Variants in CCDC57 observed in about 807,000 individuals in gnomAD.
CCDC57 encodes the protein coiled-coil domain-containing protein 57.
In CCDC57, 118 loss-of-function variants were observed where a neutral mutation model predicts 118.9. That is an observed-to-expected ratio of 0.99 (90% CI 0.86 to 1.16). The LOEUF is 1.16. CCDC57 is among the 50% of genes most tolerant of loss of function. The pLI, the probability that CCDC57 is intolerant of heterozygous loss-of-function variation, is 0.00. For synonymous variants in CCDC57, 527 were observed against 532.9 expected (o/e 0.99, Z 0.15); for missense variants, 1,300 against 1,320.7 (o/e 0.98, Z 0.24).
At chr17:82,126,946 G>A (rs1022739132) in intron 19 of CCDC57, 1 of 985,334 alleles carries the variant, frequency 1.0e-6, no homozygotes, top group African/African-American at 1.7e-5. Flanking sequence ...GCACGCTCCC[G>A]CCCCAACCAC....
At position 82,145,895 on chromosome 17, in the gene CCDC57, C is replaced by T. The variant is rs1158874882; in HGVS notation, c.2455+5665G>A. 6 of 433,670 alleles carry T rather than the reference C, an allele frequency of 1.4e-5. No homozygotes were observed. The Admixed American group carries it at 1.6e-4, about 12-fold the overall frequency. The allele number at this position is 433,670 out of a possible 1,614,324, so 26.9% of individuals were successfully genotyped here. ...AGTCTGAATGGGGTGTTGGCAGGAA[C>T]CAGTGTCACCAGAGCACAGGGGACG... On this transcript the variant is annotated intron_variant, in intron 16 of 19. Coordinates refer to ENST00000665763, the Ensembl canonical transcript of CCDC57.
intron 16 of CCDC57, among the ~76,000 whole-genome samples, chr17:82,150,172 T>C (rs71375076): frequency 0.36 from 5,862 of 16,296 alleles, 1,160 homozygotes; most frequent in East Asian, 0.5. Context: ...CAGAACCAGG[T>C]GCACACCCAG....
exon 16 of CCDC57, chr17:82,151,609 C>G: frequency 6.4e-7 from 1 of 1,550,428 alleles, no homozygotes. Context: ...TCTCGATGAG[C>G]TGCTCTTTCT....
chr17:82,178,403 TG>T, intron 11 of CCDC57, 70 bp downstream of exon 10: 1 of 1,503,850 alleles, frequency 6.6e-7, no homozygotes, highest in East Asian at 2.3e-5. Context: ...TGGTAGGATT[TG>T]GGGATCTGGT....
intron 14 of CCDC57, among the ~76,000 whole-genome samples, chr17:82,161,440 C>A (rs1256062375): frequency 1.3e-5 from 2 of 152,170 alleles, no homozygotes; most frequent in African/African-American, 4.8e-5. Flanking sequence ...TAAGTCCACA[C>A]AGGAACTTAC....
intron 1 of CCDC57, among the ~76,000 whole-genome samples, chr17:82,208,261 CTTATTA>C (rs200617769): frequency 6.6e-6 from 1 of 151,718 alleles, no homozygotes; most frequent in African/African-American, 2.4e-5. Context: ...ATACCCTTAA[CTTATTA>C]TTATTATTTT....
intron 16 of CCDC57, among the ~76,000 whole-genome samples, chr17:82,148,314 T>C (rs1432264827): frequency 8.9e-6 from 1 of 112,140 alleles, no homozygotes; most frequent in Admixed American, 9.1e-5. Flanking sequence ...GGTGAATGGA[T>C]AAATGGGTGG....
chr17:82,101,675 G>A (rs1006614667), exon 20 of CCDC57: 6 of 1,595,302 alleles, frequency 3.8e-6, no homozygotes, highest in Non-Finnish European at 5.1e-6. Flanking sequence ...GGGGTGGGGG[G>A]AGGAAGTCAG....
chr17:82,142,671 C>A (rs4789680), intron 16 of CCDC57, among the ~76,000 whole-genome samples: 70,887 of 151,716 alleles, frequency 0.47, 17,325 homozygotes, highest in East Asian at 0.88. Context: ...ATCACAGGAG[C>A]AATGGAGGAT....
chr17:82,101,886 A>G lies in CCDC57; in HGVS notation c.2900-20T>C. On this transcript the variant is annotated intron_variant, in intron 19 of 19. Coordinates refer to ENST00000665763, the Ensembl canonical transcript of CCDC57. ...GGAGCTCTGTCAGGTAAAGAGGAAA[A>G]AACAGCATGCATCAGGATGGCAGGG... The G allele has an allele frequency of 6.5e-7, 1 of 1,544,056 alleles. No individual in the cohort carries two copies.
intron 16 of CCDC57, among the ~76,000 whole-genome samples, chr17:82,150,414 C>CAGAACCTGACCCGCACCT (rs1388113120): frequency 6.7e-6 from 1 of 148,368 alleles, no homozygotes; most frequent in Non-Finnish European, 1.5e-5. Flanking sequence ...GGCGCACACC[C>CAGAACCTGACCCGCACCT]AGAACCTGAC....
intron 13 of CCDC57, among the ~76,000 whole-genome samples, chr17:82,165,027 C>T (rs1452488356): frequency 6.6e-6 from 1 of 152,088 alleles, no homozygotes; most frequent in Non-Finnish European, 1.5e-5. Flanking sequence ...CTCAATAAAA[C>T]ACTGGCAAAC....
At chr17:82,182,252 G>A (rs1771366744) in intron 9 of CCDC57, among the ~76,000 whole-genome samples, 1 of 149,162 alleles carries the variant, frequency 6.7e-6, no homozygotes, top group Admixed American at 6.8e-5. Context: ...GATACATGAT[G>A]TTTTATTTCA....
intron 19 of CCDC57, among the ~76,000 whole-genome samples, chr17:82,104,298 C>T (rs989101487): frequency 1.3e-5 from 2 of 152,224 alleles, no homozygotes; most frequent in African/African-American, 4.8e-5. Flanking sequence ...GTGAGGAACG[C>T]GCCTCTTGGG....
chr17:82,124,638 A>T (rs571534955), intron 19 of CCDC57, among the ~76,000 whole-genome samples: 1 of 151,858 alleles, frequency 6.6e-6, no homozygotes, highest in Admixed American at 6.6e-5. Flanking sequence ...ACAAAAAACT[A>T]AAACAATCTT....
intron 18 of CCDC57, 77 bp downstream of exon 17, chr17:82,128,416 C>T (rs2037803075): frequency 2.0e-6 from 2 of 1,017,486 alleles, no homozygotes; most frequent in African/African-American, 1.6e-5. Flanking sequence ...TCCGAGAGGC[C>T]CAGAGCACCC....
At chr17:82,196,720 C>T (rs891054088) in intron 4 of CCDC57, among the ~76,000 whole-genome samples, 2 of 152,102 alleles carry the variant, frequency 1.3e-5, no homozygotes, top group African/African-American at 4.8e-5. Flanking sequence ...ATAGACAGAG[C>T]CATTTATTAC....
At chr17:82,194,393 C>T in intron 5 of CCDC57, 1 of 347,082 alleles carries the variant, frequency 2.9e-6, no homozygotes, top group Non-Finnish European at 5.2e-6. Flanking sequence ...TCACTGCAAC[C>T]TCCCCCTCCT....
downstream of CCDC57, chr17:82,101,485 TG>T (rs1369943697): frequency 1.8e-6 from 1 of 544,670 alleles, no homozygotes; most frequent in African/African-American, 2.0e-5. Flanking sequence ...GGGAGGAACC[TG>T]GTTTTAATGG....
Sources: gnomAD v4.1 joint callset for allele counts (sites outside exome capture counted in the v4.1 genomes callset) on GRCh38, gnomAD v4.1.1 for gene constraint, MANE v1.5 for transcripts, NCBI Gene and HGNC (gene_info 2026-07-23, HGNC 2026-07-21) for gene names.